Variants in CCNY observed in about 807,000 individuals in gnomAD.
The protein encoded by CCNY is cyclin Y.
A neutral mutation model predicts 42.8 loss-of-function variants in CCNY; 19 were observed. The observed-to-expected ratio is 0.44, with a 90% CI of 0.31 to 0.65. CCNY has a LOEUF of 0.65. Ranked by LOEUF, CCNY falls within the 30% of genes least tolerant of loss-of-function variation. The pLI, the probability that CCNY is intolerant of heterozygous loss-of-function variation, is 0.07. For synonymous variants in CCNY, 165 were observed against 162.7 expected (o/e 1.01, Z -0.11); for missense variants, 370 against 437.3 (o/e 0.85, Z 1.37).
intron 1 of CCNY, among the ~76,000 whole-genome samples, chr10:35,426,562 G>A (rs1266671623): frequency 6.6e-6 from 1 of 152,198 alleles, no homozygotes; most frequent in Admixed American, 6.5e-5. Flanking sequence ...TGCTTAAAAT[G>A]CTGTGTTTAG....
At chr10:35,439,682 A>G (rs1838622851) in intron 1 of CCNY, among the ~76,000 whole-genome samples, 1 of 150,868 alleles carries the variant, frequency 6.6e-6, no homozygotes, top group Admixed American at 6.6e-5. Context: ...ACAGCTTGAG[A>G]TCTAGCTTCT....
At chr10:35,465,905 A>AAGAGAGAGAGAGAGAGAG (rs56166429) in intron 1 of CCNY, among the ~76,000 whole-genome samples, 63 of 99,174 alleles carry the variant, frequency 6.4e-4, no homozygotes, top group South Asian at 2.3e-3. Flanking sequence ...GGGTAGGGGG[A>AAGAGAGAGAGAGAGAGAG]AGAGAGAGAG....
At chr10:35,308,390 TA>T (rs1480972704) in intron 3 of CCNY, among the ~76,000 whole-genome samples, 1 of 151,880 alleles carries the variant, frequency 6.6e-6, no homozygotes, top group East Asian at 1.9e-4. Flanking sequence ...CCATCTCAAC[TA>T]AAAAGTAAAA....
intron 1 of CCNY, among the ~76,000 whole-genome samples, chr10:35,351,639 A>G (rs1836432043): frequency 6.6e-6 from 1 of 152,248 alleles, no homozygotes; most frequent in African/African-American, 2.4e-5. Flanking sequence ...ACAGGGATAT[A>G]TTTCTGAAAC....
At chr10:35,293,598 G>A (rs1357190020) in intron 3 of CCNY, among the ~76,000 whole-genome samples, 1 of 152,038 alleles carries the variant, frequency 6.6e-6, no homozygotes, top group East Asian at 1.9e-4. Flanking sequence ...CTGTGGACAT[G>A]GGATGTTATC....
chr10:35,493,410 A>G (rs1839941862), intron 2 of CCNY, among the ~76,000 whole-genome samples: 1 of 151,900 alleles, frequency 6.6e-6, no homozygotes, highest in African/African-American at 2.4e-5. Context: ...CTTTTTAAAA[A>G]CTCTGAGCAC....
chr10:35,500,955 T>C (rs959243350), intron 2 of CCNY, among the ~76,000 whole-genome samples: 1 of 152,136 alleles, frequency 6.6e-6, no homozygotes, highest in Non-Finnish European at 1.5e-5. Context: ...CACAAGGAGC[T>C]CCAGGGGCTC....
Position 35,301,783 on chromosome 10 carries a change from T to C in CCNY, c.-9+51157T>C, listed in dbSNP as rs138578352. On this transcript the variant is annotated intron_variant, in intron 3 of 11. Transcript: ENST00000374706. ...TAGCTGGGACAGGTCTACAGGTGCATGCCACCATGCCTAGCTAATTTTTGT... is the reference window on the plus strand; with the variant it reads ...TAGCTGGGACAGGTCTACAGGTGCACGCCACCATGCCTAGCTAATTTTTGT... Among the ~76,000 whole-genome samples, 1,031 of 151,824 alleles carry C rather than the reference T, an allele frequency of 6.8e-3. 11 individuals carry two copies. The highest frequency in any genetic ancestry group is 0.024 in the African/African-American group (982 of 41,394).
At chr10:35,536,608 A>C (rs1840891879) in intron 7 of CCNY, among the ~76,000 whole-genome samples, 1 of 152,164 alleles carries the variant, frequency 6.6e-6, no homozygotes, top group South Asian at 2.1e-4. Flanking sequence ...GTGGCCTTAG[A>C]TGGAGATGAG....
chr10:35,304,297 T>TAAAAGTGG (rs1373101265), intron 3 of CCNY, among the ~76,000 whole-genome samples: 5 of 113,346 alleles, frequency 4.4e-5, no homozygotes, highest in South Asian at 2.9e-4. Context: ...TCCTTTTATT[T>TAAAAGTGG]TTTTTTTTTT....
chr10:35,413,766 T>C (rs1358713132), intron 1 of CCNY, among the ~76,000 whole-genome samples: 1 of 152,134 alleles, frequency 6.6e-6, no homozygotes, highest in East Asian at 1.9e-4. Flanking sequence ...ACCATGGCTA[T>C]GGGAATATCG....
intron 3 of CCNY, among the ~76,000 whole-genome samples, chr10:35,310,938 C>T (rs1333200330): frequency 6.6e-6 from 1 of 151,964 alleles, no homozygotes; most frequent in African/African-American, 2.4e-5. Context: ...TCCAGGAGTT[C>T]AAGACCAGCC....
chr10:35,529,294 C>G (rs1269625980), intron 5 of CCNY, among the ~76,000 whole-genome samples: 1 of 152,084 alleles, frequency 6.6e-6, no homozygotes. Context: ...TCATTCTTAC[C>G]CTGGCGCTTC....
At chr10:35,339,154 CCTT>C (rs1836118829) in intron 1 of CCNY, among the ~76,000 whole-genome samples, 2 of 152,200 alleles carry the variant, frequency 1.3e-5, no homozygotes, top group South Asian at 4.1e-4. Context: ...TATTAATTCA[CCTT>C]CTGTCTCTCA....
At chr10:35,333,172 C>T (rs182207004), upstream of CCNY, among the ~76,000 whole-genome samples, 2 of 152,252 alleles carry the variant, frequency 1.3e-5, no homozygotes, top group South Asian at 2.1e-4. Flanking sequence ...AGCTTGAGGA[C>T]AGGCCTTGTT....
chr10:35,531,725 G>A (rs1411283917), intron 7 of CCNY, among the ~76,000 whole-genome samples: 1 of 152,234 alleles, frequency 6.6e-6, no homozygotes, highest in Non-Finnish European at 1.5e-5. Context: ...TAGATGGAAA[G>A]TGGCGGGGAT....
At chr10:35,289,878 CAAAA>C (rs35388058) in intron 3 of CCNY, among the ~76,000 whole-genome samples, 2 of 85,594 alleles carry the variant, frequency 2.3e-5, no homozygotes, top group Non-Finnish European at 2.3e-5. Flanking sequence ...GACTCTGTCT[CAAAA>C]AAAAAAAAAA....
At chr10:35,294,490 C>T (rs1420856843) in intron 3 of CCNY, among the ~76,000 whole-genome samples, 2 of 152,136 alleles carry the variant, frequency 1.3e-5, no homozygotes, top group South Asian at 2.1e-4. Context: ...TCATCAAATG[C>T]TTTTTTTCTA....
chr10:35,256,013 T>C (rs1470675647), intron 3 of CCNY, among the ~76,000 whole-genome samples: 1 of 152,240 alleles, frequency 6.6e-6, no homozygotes, highest in Non-Finnish European at 1.5e-5. Context: ...AGTATAGCCA[T>C]CCCTGTCCTA....
Sources: allele counts gnomAD v4.1 joint callset (sites outside exome capture counted in the v4.1 genomes callset), GRCh38; gene constraint gnomAD v4.1.1; transcripts MANE v1.5; gene names NCBI Gene and HGNC (gene_info 2026-07-23, HGNC 2026-07-21).